DLG5: variants seen among roughly 807,000 people sequenced by gnomAD.
DLG5 encodes the protein discs large MAGUK scaffold protein 5.
In DLG5, 48 loss-of-function variants were observed where a neutral mutation model predicts 189.8. The observed-to-expected ratio is 0.25, with a 90% CI of 0.20 to 0.32. DLG5 has a LOEUF of 0.32. Ranked by LOEUF, DLG5 falls within the 10% of genes least tolerant of loss-of-function variation. The pLI is 1.00. For synonymous variants in DLG5, 1,016 were observed against 1,054.1 expected, an observed-to-expected ratio of 0.96 and a Z score of 0.70; for missense variants, 2,160 against 2,544.7, an observed-to-expected ratio of 0.85 and a Z score of 3.25.
intron 1 of DLG5, among the ~76,000 whole-genome samples, chr10:77,900,508 G>A (rs1337306391): frequency 6.6e-6 from 1 of 152,088 alleles, no homozygotes; most frequent in Admixed American, 6.6e-5. Flanking sequence ...AGAGAAAAAC[G>A]ATCCCCTTTG....
chr10:77,859,143 T>C (rs1230352455), intron 2 of DLG5, among the ~76,000 whole-genome samples: 3 of 152,212 alleles, frequency 2.0e-5, no homozygotes, highest in Non-Finnish European at 2.9e-5. Flanking sequence ...CCCAAAGTGG[T>C]CGGATTACAG....
At chr10:77,844,873 GGGGCAGGGTCAAA>G (rs1219054951) in intron 5 of DLG5, among the ~76,000 whole-genome samples, 4 of 152,332 alleles carry the variant, frequency 2.6e-5, no homozygotes, top group African/African-American at 4.8e-5. Context: ...GGCAGAGAGG[GGGGCAGGGTCAAA>G]GGCCCAGAGG....
At chr10:77,806,618 T>TAG (rs1346390398) in intron 26 of DLG5, 140 bp downstream of exon 26, 1 of 1,209,880 alleles carries the variant, frequency 8.3e-7, no homozygotes, top group Non-Finnish European at 1.2e-6. Context: ...TGGCAAAATG[T>TAG]AGAGAGCAGA....
chr10:77,938,749 G>A, the DLG5 span, among the ~76,000 whole-genome samples: 2 of 152,190 alleles, frequency 1.3e-5, no homozygotes, highest in Admixed American at 1.3e-4. Flanking sequence ...ATCATGAGCA[G>A]CTCCATCATA....
intron 1 of DLG5, among the ~76,000 whole-genome samples, chr10:77,918,121 T>C (rs1001965463): frequency 3.7e-4 from 56 of 151,782 alleles, no homozygotes; most frequent in African/African-American, 1.3e-3. Flanking sequence ...CAATAAAAAA[T>C]GGTTCAAGGC....
rs181463680 is a variant in DLG5, at chr10:77,909,492, C to T, written c.304+16725G>A. Reference sequence around the variant, plus strand: ...CGTGTTCTGCACATGTACCCCAGAACTTAAAGGTATTAAAAAAAAAATGAG... The same window carrying T: ...CGTGTTCTGCACATGTACCCCAGAATTTAAAGGTATTAAAAAAAAAATGAG... On this transcript the variant is annotated intron_variant, in intron 1 of 31. Transcript: ENST00000372391. Among the ~76,000 whole-genome samples the T allele has an allele frequency of 6.0e-3, 918 of 151,894 alleles. 6 individuals are homozygous for T. Among genetic ancestry groups the T allele is most frequent in the Admixed American group, 0.01 (158 of 15,250 alleles).
In DLG5 at chr10:77,926,657, T is replaced by C; in HGVS notation, c.-137A>G. 4.0e-6 allele frequency: 2 copies of C among 500,578 alleles called. No homozygotes were observed. Among genetic ancestry groups the C allele is most frequent in the Non-Finnish European group, 5.2e-6 (2 of 386,470 alleles). The allele number at this position is 500,578 out of a possible 1,614,324, so 31.0% of individuals were successfully genotyped here. A position where few individuals can be genotyped will look rare whatever the true frequency, so the allele number is the denominator to read the frequency against. On this transcript the variant is annotated 5_prime_UTR_variant, in exon 1 of 32. Transcript: ENST00000372391. This position sits in a 1 kb window ranked among gnomAD's most constrained non-coding sequence, Gnocchi z 5.2. ...GCGGCGGGAGCCATGGGCCGGGGCCTGGGCGGGCTGGGGGCCCGGGGCGGC... is the reference window on the plus strand; with the variant it reads ...GCGGCGGGAGCCATGGGCCGGGGCCCGGGCGGGCTGGGGGCCCGGGGCGGC...
intron 26 of DLG5, 58 bp from the exon 27 acceptor site, chr10:77,805,919 C>G (rs1841448204): frequency 1.3e-6 from 2 of 1,513,778 alleles, no homozygotes; most frequent in African/African-American, 1.4e-5. Context: ...CCCTGCCCTT[C>G]CTGCCCTTCC....
the DLG5 span, among the ~76,000 whole-genome samples, chr10:77,936,000 T>G: frequency 3.9e-5 from 6 of 152,230 alleles, no homozygotes; most frequent in Admixed American, 3.9e-4. Flanking sequence ...GAATGCTATA[T>G]CTATGAAATG....
At chr10:77,871,481 G>T (rs1238413902) in intron 1 of DLG5, among the ~76,000 whole-genome samples, 1 of 149,246 alleles carries the variant, frequency 6.7e-6, no homozygotes, top group Non-Finnish European at 1.5e-5. Context: ...TATTAGTTTT[G>T]CTGTACATTC....
intron 9 of DLG5, among the ~76,000 whole-genome samples, chr10:77,832,674 C>A (rs1270006893): frequency 6.6e-6 from 1 of 152,174 alleles, no homozygotes; most frequent in Non-Finnish European, 1.5e-5. Context: ...AGACAGGAGG[C>A]ACAAATGCAA....
At chr10:77,877,322 T>G (rs1845132286) in intron 1 of DLG5, among the ~76,000 whole-genome samples, 1 of 151,530 alleles carries the variant, frequency 6.6e-6, no homozygotes, top group African/African-American at 2.4e-5. Context: ...TTTCCTCTTT[T>G]AAGTGGCAAG....
chr10:77,865,884 C>G (rs999317217), intron 2 of DLG5, among the ~76,000 whole-genome samples: 1 of 152,086 alleles, frequency 6.6e-6, no homozygotes, highest in African/African-American at 2.4e-5. Flanking sequence ...CCCGACAGAC[C>G]GCCTGAGAGA....
the DLG5 span, among the ~76,000 whole-genome samples, chr10:77,935,641 CTG>C: frequency 6.6e-6 from 1 of 152,206 alleles, no homozygotes; most frequent in African/African-American, 2.4e-5. Context: ...GTACATGTGT[CTG>C]TGCATGTTAG....
At chr10:77,856,679 G>A in intron 3 of DLG5, 51 bp downstream of exon 3, 2 of 1,590,996 alleles carry the variant, frequency 1.3e-6, no homozygotes, top group Non-Finnish European at 1.7e-6. Context: ...CAGCATCGGG[G>A]TAGTAATCCC....
In DLG5 at chr10:77,910,698, G is replaced by A. The variant is rs12250533; in HGVS notation, c.304+15519C>T. 5.2e-3 allele frequency among the ~76,000 whole-genome samples: 795 copies of A among 152,288 alleles called. 8 individuals are homozygous for A. The highest frequency in any genetic ancestry group is 0.018 in the African/African-American group (752 of 41,560). On this transcript the variant is annotated intron_variant, in intron 1 of 31. Coordinates refer to ENST00000372391, the MANE Select transcript of DLG5 (RefSeq NM_004747.4). The stretch of plus-strand genomic sequence containing the variant: ...GCTCCTTAAGAAATGTAGGCCGGGC[G>A]TCGTGGTTCACATCTGTAATCCCAG...
intron 1 of DLG5, among the ~76,000 whole-genome samples, chr10:77,917,452 G>A (rs900449150): frequency 6.6e-6 from 1 of 151,352 alleles, no homozygotes; most frequent in Non-Finnish European, 1.5e-5. Context: ...GGAGGTTGAA[G>A]CTGCAGTGAG....
chr10:77,829,311 C>A, intron 12 of DLG5, 44 bp downstream of exon 12: 4 of 1,611,500 alleles, frequency 2.5e-6, no homozygotes, highest in Non-Finnish European at 3.4e-6. Context: ...CAAAAAAGGG[C>A]CCCAGCCACC....
At chr10:77,899,251 TCACCACAGACCAACA>T (rs1332055200) in intron 1 of DLG5, among the ~76,000 whole-genome samples, 1 of 152,142 alleles carries the variant, frequency 6.6e-6, no homozygotes, top group African/African-American at 2.4e-5. Context: ...GGCAGCCACC[TCACCACAGACCAACA>T]CACCCTGCTG....
Sources: gnomAD v4.1 joint callset for allele counts (sites outside exome capture counted in the v4.1 genomes callset) on GRCh38, gnomAD v4.1.1 for gene constraint, Gnocchi (gnomAD v3.1) non-coding constraint, MANE v1.5 for transcripts, NCBI Gene and HGNC (gene_info 2026-07-23, HGNC 2026-07-21) for gene names.